PRKCH: variants seen among roughly 807,000 people sequenced by gnomAD.
PRKCH encodes the protein protein kinase C eta.
A neutral mutation model predicts 82.5 loss-of-function variants in PRKCH; 28 were observed. The observed-to-expected ratio is 0.34, with a 90% CI of 0.25 to 0.47. The LOEUF is 0.47. Ranked by LOEUF, PRKCH falls within the 20% of genes least tolerant of loss-of-function variation. The probability of loss-of-function intolerance (pLI) is 1.00; values close to 1 mark genes in which losing one functional copy is unlikely to be tolerated. For missense variants in PRKCH, 705 were observed against 881.8 expected (o/e 0.80, Z 2.54); for synonymous variants, 322 against 327.4 (o/e 0.98, Z 0.18).
intron 10 of PRKCH, among the ~76,000 whole-genome samples, chr14:61,506,303 A>G (rs558105473): frequency 6.6e-6 from 1 of 152,280 alleles, no homozygotes; most frequent in South Asian, 2.1e-4. Flanking sequence ...ATTTCTCCAT[A>G]TTGCGGCGGT....
chr14:61,301,517 T>C (rs1320752919), intron 1 of PRKCH, among the ~76,000 whole-genome samples: 1 of 152,242 alleles, frequency 6.6e-6, no homozygotes, highest in Non-Finnish European at 1.5e-5. Context: ...ATGCAACTTA[T>C]ATGCTCAAGG....
At chr14:61,452,530 C>T (rs566872074) in intron 6 of PRKCH, among the ~76,000 whole-genome samples, 9 of 152,182 alleles carry the variant, frequency 5.9e-5, no homozygotes, top group Non-Finnish European at 7.3e-5. Flanking sequence ...AGGCAGCTTC[C>T]GGTGCCTCAG....
At chr14:61,529,330 A>C in intron 11 of PRKCH, 117 bp downstream of exon 11, 1 of 1,280,688 alleles carries the variant, frequency 7.8e-7, no homozygotes, top group Non-Finnish European at 1.1e-6. Context: ...AAAGGTGTCT[A>C]GAGCCGACAC....
At chr14:61,363,854 G>A (rs1317736695) in intron 1 of PRKCH, among the ~76,000 whole-genome samples, 1 of 151,410 alleles carries the variant, frequency 6.6e-6, no homozygotes, top group Non-Finnish European at 1.5e-5. Context: ...GGGTCTGGAG[G>A]TAGAATCTGT....
At chr14:61,243,149 C>T (rs1218375373) in intron 1 of PRKCH, among the ~76,000 whole-genome samples, 1 of 151,958 alleles carries the variant, frequency 6.6e-6, no homozygotes, top group Non-Finnish European at 1.5e-5. Context: ...AATCTCAGCA[C>T]TTTGGGAGGT....
At chr14:61,355,212 C>G (rs2046132863) in intron 1 of PRKCH, among the ~76,000 whole-genome samples, 1 of 152,150 alleles carries the variant, frequency 6.6e-6, no homozygotes, top group African/African-American at 2.4e-5. Flanking sequence ...ATGGGCTTGT[C>G]TTATTTTCTG....
intron 10 of PRKCH, among the ~76,000 whole-genome samples, chr14:61,496,500 C>T (rs1251158727): frequency 6.6e-6 from 1 of 152,224 alleles, no homozygotes; most frequent in African/African-American, 2.4e-5. Flanking sequence ...GCTACCAATT[C>T]TTGCAGTCTC....
chr14:61,230,626 T>A (rs908900454), intron 1 of PRKCH, among the ~76,000 whole-genome samples: 5 of 152,230 alleles, frequency 3.3e-5, no homozygotes, highest in African/African-American at 1.2e-4. Flanking sequence ...TCTATATGTA[T>A]GACAGAAATG....
chr14:61,337,607 A>G (rs559471916), intron 1 of PRKCH, among the ~76,000 whole-genome samples: 95 of 151,992 alleles, frequency 6.3e-4, no homozygotes, highest in Non-Finnish European at 1.0e-3. Flanking sequence ...CTTTTTTCTT[A>G]TAGAGGTAGG....
At chr14:61,294,825 C>T (rs2045393108) in intron 1 of PRKCH, among the ~76,000 whole-genome samples, 1 of 152,120 alleles carries the variant, frequency 6.6e-6, no homozygotes, top group Non-Finnish European at 1.5e-5. Flanking sequence ...TCTTAGTGGT[C>T]AGGCTACCAG....
rs557857658 is a variant in PRKCH, at chr14:61,198,408, C to A, written c.-19+10740C>A. Reference sequence around the variant, plus strand: ...GTTTCCTCTGTTGGAAAGCCTGACTCGTCAAGCAAACTCCTACTTGTCCTT... The same window carrying A: ...GTTTCCTCTGTTGGAAAGCCTGACTAGTCAAGCAAACTCCTACTTGTCCTT... On this transcript the variant is annotated intron_variant, in intron 1 of 3. Transcript: ENST00000555185. Among the ~76,000 whole-genome samples the A allele has an allele frequency of 3.4e-4, 52 of 152,328 alleles. No homozygotes were observed. The South Asian group carries it at 0.01, about 30-fold the overall frequency.
intron 1 of PRKCH, among the ~76,000 whole-genome samples, chr14:61,220,097 G>T (rs1005580931): frequency 2.6e-5 from 4 of 152,150 alleles, no homozygotes; most frequent in Non-Finnish European, 5.9e-5. Context: ...CCCTGGGAAG[G>T]CAGACAGTCC....
chr14:61,233,156 T>A (rs945820710), intron 1 of PRKCH, among the ~76,000 whole-genome samples: 3 of 152,196 alleles, frequency 2.0e-5, no homozygotes, highest in African/African-American at 7.2e-5. Context: ...GTTTGCAGAC[T>A]TCCATTTGAT....
chr14:61,308,936 T>C (rs1413864744), intron 1 of PRKCH, among the ~76,000 whole-genome samples: 1 of 151,912 alleles, frequency 6.6e-6, no homozygotes, highest in Non-Finnish European at 1.5e-5. Context: ...GCCTCCTGCA[T>C]ATTTAGAATC....
At chr14:61,537,307 C>T (rs1253924226) in intron 12 of PRKCH, among the ~76,000 whole-genome samples, 2 of 152,194 alleles carry the variant, frequency 1.3e-5, no homozygotes, top group Non-Finnish European at 2.9e-5. Context: ...ATGACACACA[C>T]ATTTGTGTAA....
At chr14:61,480,272 A>G (rs527433239) in intron 9 of PRKCH, among the ~76,000 whole-genome samples, 1 of 152,230 alleles carries the variant, frequency 6.6e-6, no homozygotes, top group Non-Finnish European at 1.5e-5. Flanking sequence ...CACTACAACC[A>G]TAATCCATCT....
chr14:61,359,830 C>G (rs1439138973), intron 1 of PRKCH, among the ~76,000 whole-genome samples: 1 of 152,096 alleles, frequency 6.6e-6, no homozygotes, highest in East Asian at 1.9e-4. Flanking sequence ...TTATATTAGC[C>G]ACATGTAACT....
intron 1 of PRKCH, among the ~76,000 whole-genome samples, chr14:61,238,060 T>C (rs751539568): frequency 2.6e-5 from 4 of 152,240 alleles, no homozygotes; most frequent in Admixed American, 6.5e-5. Context: ...TGTTTATACA[T>C]CCAGTTAGGT....
At chr14:61,352,034 G>C (rs1418423249) in intron 1 of PRKCH, among the ~76,000 whole-genome samples, 1 of 152,084 alleles carries the variant, frequency 6.6e-6, no homozygotes, top group Non-Finnish European at 1.5e-5. Flanking sequence ...CAGGAGTGTG[G>C]AATCTCAAGA....
Sources: allele counts gnomAD v4.1 joint callset (sites outside exome capture counted in the v4.1 genomes callset), GRCh38; gene constraint gnomAD v4.1.1; transcripts MANE v1.5; gene names NCBI Gene and HGNC (gene_info 2026-07-23, HGNC 2026-07-21).